The following ZDHHC11B variants were observed in gnomAD, a reference collection of about 807,000 sequenced individuals.
ZDHHC11B encodes probable palmitoyltransferase ZDHHC11B.
Under a neutral mutation model 42.3 loss-of-function variants are expected in ZDHHC11B, and 17 were observed. The observed-to-expected ratio is 0.40, with a 90% CI of 0.27 to 0.60. The LOEUF (loss-of-function observed/expected upper bound fraction) is 0.60. Among genes scored for constraint, ZDHHC11B ranks in the 20% least tolerant of loss-of-function variants. The probability of loss-of-function intolerance (pLI) is 0.41; values close to 1 mark genes in which losing one functional copy is unlikely to be tolerated. For synonymous variants in ZDHHC11B, 123 were observed against 193.5 expected (o/e 0.64, Z 3.02); for missense variants, 262 against 463.2 (o/e 0.57, Z 3.99).
rs1159601801 is a variant in ZDHHC11B, at chr5:779,823, TATC to T, written c.-230+4842_-230+4844del. 3.8e-4 allele frequency among the ~76,000 whole-genome samples: 57 copies of T among 151,270 alleles called. 1 individual carries two copies. Among genetic ancestry groups the T allele is most frequent in the African/African-American group, 1.3e-3 (53 of 40,988 alleles). ...AAAGAACTTCTGTTCGTTGAAAAAA[TATC>T]ATCAAGAGAGTGAAAAAGCAAACCC... On this transcript the variant is annotated intron_variant, in intron 1 of 13. Coordinates refer to ENST00000508859, the MANE Select transcript of ZDHHC11B (RefSeq NM_001351303.2).
At chr5:760,143 C>T (rs1356467279) in intron 4 of ZDHHC11B, among the ~76,000 whole-genome samples, 1 of 151,862 alleles carries the variant, frequency 6.6e-6, no homozygotes, top group Non-Finnish European at 1.5e-5. Context: ...GGCCGAGCCA[C>T]GGGCCAAAGG....
intron 13 of ZDHHC11B, among the ~76,000 whole-genome samples, chr5:713,130 A>C (rs1434582157): frequency 6.6e-6 from 1 of 151,354 alleles, no homozygotes. Context: ...TGGGACTCTA[A>C]ACATAACATA....
chr5:734,109 C>G (rs947561557), intron 10 of ZDHHC11B, among the ~76,000 whole-genome samples: 1 of 141,832 alleles, frequency 7.1e-6, no homozygotes, highest in Admixed American at 7.0e-5. Flanking sequence ...GTGAGACTTG[C>G]CCTACACCAG....
intron 1 of ZDHHC11B, among the ~76,000 whole-genome samples, chr5:777,380 G>A (rs1011992569): frequency 1.3e-5 from 2 of 151,960 alleles, no homozygotes; most frequent in Admixed American, 1.3e-4. Flanking sequence ...CCCTCCGGTG[G>A]GCTCGTGGTC....
At chr5:739,970 C>T (rs1167796113) in intron 10 of ZDHHC11B, among the ~76,000 whole-genome samples, 1 of 152,024 alleles carries the variant, frequency 6.6e-6, no homozygotes, top group Non-Finnish European at 1.5e-5. Context: ...GAAATATCAG[C>T]ACTCACACAA....
intron 13 of ZDHHC11B, among the ~76,000 whole-genome samples, chr5:716,558 A>C (rs1277412214): frequency 6.6e-6 from 1 of 151,784 alleles, no homozygotes; most frequent in Non-Finnish European, 1.5e-5. Flanking sequence ...TGTTCAATCT[A>C]TACATTGTTT....
chr5:730,798 A>G (rs533371099), intron 11 of ZDHHC11B, among the ~76,000 whole-genome samples: 31 of 151,854 alleles, frequency 2.0e-4, no homozygotes, highest in Non-Finnish European at 3.8e-4. Context: ...ATCCAGAGTG[A>G]CTGGTGTCCT....
rs909832563 is a variant in ZDHHC11B at position 756,813 on chromosome 5, G to A, written c.223-669C>T. Among the ~76,000 whole-genome samples the A allele has an allele frequency of 4.0e-4, 61 of 151,720 alleles. 2 individuals are homozygous for A. Among genetic ancestry groups the A allele is most frequent in the Admixed American group, 3.2e-3 (49 of 15,220 alleles). On this transcript the variant is annotated intron_variant, in intron 4 of 13. Transcript: ENST00000508859. ...TACCCGCTCCCTCTAGACCCCAGAC[G>A]GCTCACTGACGGACCCTCTCCCCGA...
intron 4 of ZDHHC11B, among the ~76,000 whole-genome samples, chr5:760,601 G>A (rs1418685145): frequency 6.6e-6 from 1 of 151,844 alleles, no homozygotes; most frequent in African/African-American, 2.4e-5. Context: ...ACCTGGTGAT[G>A]CTGAGGGAGA....
chr5:745,722 C>A (rs1744725159), intron 8 of ZDHHC11B, among the ~76,000 whole-genome samples: 1 of 150,056 alleles, frequency 6.7e-6, no homozygotes, highest in African/African-American at 2.4e-5. Context: ...GTCTGAGGGT[C>A]CAGGTGGCCT....
Position 711,112 on chromosome 5 carries a change from C to T in ZDHHC11B, c.*1178G>A, listed in dbSNP as rs1190783573. On this transcript the variant is annotated 3_prime_UTR_variant, in exon 14 of 14. Coordinates refer to ENST00000508859, the MANE Select transcript of ZDHHC11B (RefSeq NM_001351303.2). ...TGCTGTGAGCTCCCATTTTCCAGTA[C>T]TGTGCTCCCATTTCCCAGTACTATG... The T allele has an allele frequency of 6.5e-6, 1 of 154,770 alleles. No homozygotes were observed. 9.6% of individuals were successfully genotyped at this position (154,770 alleles called of 1,614,324 possible).
intron 4 of ZDHHC11B, among the ~76,000 whole-genome samples, chr5:763,563 G>A (rs1734902817): frequency 6.6e-6 from 1 of 151,766 alleles, no homozygotes; most frequent in South Asian, 2.1e-4. Flanking sequence ...TGTGGGCAAA[G>A]GCATCAGTTT....
intron 12 of ZDHHC11B, among the ~76,000 whole-genome samples, chr5:719,484 T>A (rs1276111228): frequency 1.3e-5 from 2 of 151,470 alleles, no homozygotes; most frequent in African/African-American, 4.9e-5. Context: ...AATTATATAT[T>A]TTTTAAAAAC....
At chr5:762,555 C>T (rs1330273370) in intron 4 of ZDHHC11B, among the ~76,000 whole-genome samples, 3 of 151,740 alleles carry the variant, frequency 2.0e-5, no homozygotes, top group Non-Finnish European at 2.9e-5. Context: ...AGCCCCAAAT[C>T]CCCAGGGAGA....
At chr5:728,352 C>T (rs1742747759) in intron 12 of ZDHHC11B, among the ~76,000 whole-genome samples, 1 of 151,892 alleles carries the variant, frequency 6.6e-6, no homozygotes, top group Non-Finnish European at 1.5e-5. Flanking sequence ...TGCAAATGCC[C>T]TTTGACTTTT....
chr5:762,472 C>T (rs1309514914), intron 4 of ZDHHC11B, among the ~76,000 whole-genome samples: 1 of 151,842 alleles, frequency 6.6e-6, no homozygotes, highest in African/African-American at 2.4e-5. Context: ...CCATTTCAGA[C>T]TTGTAGATAG....
chr5:760,797 G>C (rs1488165608), intron 4 of ZDHHC11B, among the ~76,000 whole-genome samples: 3 of 151,718 alleles, frequency 2.0e-5, no homozygotes, highest in African/African-American at 7.3e-5. Flanking sequence ...CACCACTCCG[G>C]ACTGGCAGGG....
At chr5:733,920 C>A (rs576771344) in intron 10 of ZDHHC11B, 81 bp from the exon 11 acceptor site, 1 of 1,204,898 alleles carries the variant, frequency 8.3e-7, no homozygotes, top group Non-Finnish European at 1.2e-6. Context: ...TGCACCGCGT[C>A]GTGTCAGCAC....
intron 4 of ZDHHC11B, among the ~76,000 whole-genome samples, chr5:762,105 C>T (rs1253178588): frequency 6.6e-6 from 1 of 151,320 alleles, no homozygotes; most frequent in Non-Finnish European, 1.5e-5. Flanking sequence ...ACTCATGGCC[C>T]CAGACAGTCA....
Sources: gnomAD v4.1 joint callset for allele counts (sites outside exome capture counted in the v4.1 genomes callset) on GRCh38, gnomAD v4.1.1 for gene constraint, MANE v1.5 for transcripts, NCBI Gene and HGNC (gene_info 2026-07-23, HGNC 2026-07-21) for gene names.